The following TIPRL variants were observed in gnomAD, a reference collection of about 807,000 sequenced individuals.
TIPRL encodes TOR signaling pathway regulator, also known as TIP41-like protein.
TIPRL carries 10 observed loss-of-function variants against 32.3 expected under a neutral mutation model. The observed-to-expected ratio is 0.31, with a 90% CI of 0.19 to 0.52. TIPRL has a LOEUF of 0.52. TIPRL is among the 20% of genes least tolerant of loss of function. TIPRL has a pLI of 0.96. For missense variants in TIPRL, 250 were observed against 328.1 expected, an observed-to-expected ratio of 0.76 and a Z score of 1.84; for synonymous variants, 100 against 114.0, an observed-to-expected ratio of 0.88 and a Z score of 0.78.
chr1:168,179,022 G>A lies in TIPRL; in HGVS notation c.-56G>A, dbSNP rs1699925395. ...GAGGGAGGCGGAGGAACCGGTGTTC[G>A]CCGCCGCCGCTGCTTCAGCTTATTC... On this transcript the variant is annotated 5_prime_UTR_variant, in exon 1 of 7. Coordinates refer to ENST00000367833, the MANE Select transcript of TIPRL (RefSeq NM_152902.5). The A allele has an allele frequency of 5.4e-6, 8 of 1,489,422 alleles. No individual in the cohort carries two copies. The East Asian group carries it at 9.6e-5, about 18-fold the overall frequency. 92.3% of individuals were successfully genotyped at this position (1,489,422 alleles called of 1,614,324 possible).
At chr1:168,195,918 C>CCG (rs759045012) in intron 4 of TIPRL, among the ~76,000 whole-genome samples, 31 of 152,170 alleles carry the variant, frequency 2.0e-4, no homozygotes, top group Admixed American at 3.3e-4. Flanking sequence ...TTCCATTCAA[C>CCG]CGCTCTCTCC....
Position 168,183,983 on chromosome 1 carries a change from C to T in TIPRL, c.186C>T (p.Gly62=). ...TTTTAAGAATCCAGCATGGGTCTGG[C>T]TTTGGAATTGAGTTCAATGCTACAG... The part of the protein sequence containing the change: ...DNVLRIQHGS[G]FGIEFNATDA... The change falls in exon 2 of 7, where the codon GGC becomes GGT. Residue 62 remains glycine, a synonymous_variant. Coordinates refer to ENST00000367833, the MANE Select transcript of TIPRL (RefSeq NM_152902.5). 6.2e-7 allele frequency: 1 copy of T among 1,614,134 alleles called. No individual in the cohort carries two copies.
At position 168,183,897 on chromosome 1, in the gene TIPRL, T is replaced by A; in HGVS notation, c.105-5T>A. On this transcript the variant is annotated splice_polypyrimidine_tract_variant and splice_region_variant and intron_variant, in intron 1 of 6. Coordinates refer to ENST00000367833, the MANE Select transcript of TIPRL (RefSeq NM_152902.5). ...TTATCTCACCCGACTTTTGGTTACG[T>A]ATAGATTAGCCGATGAATTACATAT... The A allele has an allele frequency of 6.2e-7, 1 of 1,611,584 alleles. No homozygotes were observed. Among genetic ancestry groups the A allele is most frequent in the Non-Finnish European group, 8.5e-7 (1 of 1,177,922 alleles).
intron 3 of TIPRL, among the ~76,000 whole-genome samples, chr1:168,185,725 G>A (rs187176754): frequency 0.016 from 2,117 of 132,884 alleles, 48 homozygotes; most frequent in African/African-American, 0.057. Context: ...GGCCAAGATC[G>A]CGCCACTGCA....
intron 6 of TIPRL, 81 bp downstream of exon 6, chr1:168,199,062 C>G: frequency 9.3e-7 from 1 of 1,078,128 alleles, no homozygotes; most frequent in East Asian, 2.6e-5. Flanking sequence ...CTGACCCCAA[C>G]CACCCAAGTT....
In TIPRL at chr1:168,189,078, A is replaced by G. The variant is rs547748668; in HGVS notation, c.385-2291A>G. Among the ~76,000 whole-genome samples, 3 of 152,150 alleles carry G rather than the reference A, an allele frequency of 2.0e-5. No homozygotes were observed. In the East Asian group the frequency reaches 5.8e-4, roughly 29 times the overall value. On this transcript the variant is annotated intron_variant, in intron 3 of 6. Coordinates refer to ENST00000367833, the MANE Select transcript of TIPRL (RefSeq NM_152902.5). ...GAAATTCTCCAGGGTCCTTGTCCTT[A>G]GTGAGCACTGAGCAGTGATGGCACC...
intron 3 of TIPRL, among the ~76,000 whole-genome samples, chr1:168,186,393 GGTTGAGGCAGGAGAATCACTT>G (rs1209304692): frequency 1.3e-5 from 2 of 152,148 alleles, no homozygotes; most frequent in East Asian, 3.9e-4. Context: ...CTACTTGGGA[GGTTGAGGCAGGAGAATCACTT>G]GAACCCAGGA....
rs1700205800 is a variant in TIPRL, at chr1:168,201,333, ATT to A, written c.*1289_*1290del. 6.6e-6 allele frequency: 1 copy of A among 152,148 alleles called. No homozygotes were observed. The highest frequency in any genetic ancestry group is 1.5e-5 in the Non-Finnish European group (1 of 67,998). 9.4% of individuals were successfully genotyped at this position (152,148 alleles called of 1,614,324 possible). A position where few individuals can be genotyped will look rare whatever the true frequency, so the allele number is the denominator to read the frequency against. On this transcript the variant is annotated 3_prime_UTR_variant, in exon 7 of 7. Coordinates refer to ENST00000367833, the MANE Select transcript of TIPRL (RefSeq NM_152902.5). Reference sequence around the variant, plus strand: ...ATAAATCATTAAGTAAGAATATTTGATTTAAAGTATTAGCCAACCTCTTCAGG... The same window carrying A: ...ATAAATCATTAAGTAAGAATATTTGATAAAGTATTAGCCAACCTCTTCAGG...
At chr1:168,194,260 A>G (rs1700128491) in intron 4 of TIPRL, among the ~76,000 whole-genome samples, 1 of 152,218 alleles carries the variant, frequency 6.6e-6, no homozygotes, top group Non-Finnish European at 1.5e-5. Context: ...TTTGTTGTAT[A>G]GGATTGTCCT....
intron 4 of TIPRL, among the ~76,000 whole-genome samples, chr1:168,194,187 G>A (rs1165247735): frequency 6.6e-6 from 1 of 152,090 alleles, no homozygotes; most frequent in Non-Finnish European, 1.5e-5. Context: ...TTATAAGTAG[G>A]CTTTTTCACC....
Position 168,179,119 on chromosome 1 carries a change from C to T in TIPRL, c.42C>T (p.Cys14=). The part of the protein sequence containing the change: ...HGFQSSHRDF[C]FGPWKLTASK... ...TCCAGAGCAGCCACCGGGATTTCTGCTTCGGGCCCTGGAAGCTGACGGCGT... is the reference window on the plus strand; with the variant it reads ...TCCAGAGCAGCCACCGGGATTTCTGTTTCGGGCCCTGGAAGCTGACGGCGT... The change falls in exon 1 of 7, where the codon TGC becomes TGT. Residue 14 remains cysteine, a synonymous_variant. Coordinates refer to ENST00000367833, the MANE Select transcript of TIPRL (RefSeq NM_152902.5). 6.2e-7 allele frequency: 1 copy of T among 1,614,032 alleles called. No individual in the cohort carries two copies. The highest frequency in any genetic ancestry group is 8.5e-7 in the Non-Finnish European group (1 of 1,179,958).
At position 168,183,895 on chromosome 1, in the gene TIPRL, C is replaced by T. The variant is rs375443563; in HGVS notation, c.105-7C>T. ...AATTATCTCACCCGACTTTTGGTTA[C>T]GTATAGATTAGCCGATGAATTACAT... On this transcript the variant is annotated splice_polypyrimidine_tract_variant and splice_region_variant and intron_variant, in intron 1 of 6. Coordinates refer to ENST00000367833, the MANE Select transcript of TIPRL (RefSeq NM_152902.5). The T allele has an allele frequency of 1.7e-5, 28 of 1,608,842 alleles. No individual in the cohort carries two copies. The Middle Eastern group carries it at 8.3e-4, about 48-fold the overall frequency.
chr1:168,192,230 C>G, intron 4 of TIPRL: 1 of 1,467,666 alleles, frequency 6.8e-7, no homozygotes, highest in Non-Finnish European at 9.1e-7. Context: ...CACCTGTAGT[C>G]CCAGCTACTC....
chr1:168,186,397 G>A (rs562069713), intron 3 of TIPRL, among the ~76,000 whole-genome samples: 10 of 152,156 alleles, frequency 6.6e-5, no homozygotes, highest in South Asian at 4.1e-4. Context: ...TTGGGAGGTT[G>A]AGGCAGGAGA....
rs574688191 is a variant in TIPRL at position 168,184,951 on chromosome 1, C to T, written c.384+73C>T. The stretch of plus-strand genomic sequence containing the variant: ...TCTGAGCATTAGAACTTTCTAGTAA[C>T]GGGTTATTTTTTGCAACTATTTTTA... On this transcript the variant is annotated intron_variant, in intron 3 of 6. Coordinates refer to ENST00000367833, the MANE Select transcript of TIPRL (RefSeq NM_152902.5). 1.6e-4 allele frequency: 148 copies of T among 952,646 alleles called. 1 individual carries two copies. The African/African-American group carries it at 1.9e-3, about 12-fold the overall frequency. 59.0% of individuals were successfully genotyped at this position (952,646 alleles called of 1,614,324 possible).
intron 3 of TIPRL, among the ~76,000 whole-genome samples, chr1:168,187,448 C>T (rs1700040975): frequency 6.6e-6 from 1 of 152,164 alleles, no homozygotes; most frequent in African/African-American, 2.4e-5. Context: ...GTTCAGTACT[C>T]TCCTATTGAT....
chr1:168,192,353 C>CAA lies in TIPRL; in HGVS notation c.516+864_516+865dup, dbSNP rs11455456. Reference sequence around the variant, plus strand: ...TGGGCGACAGAGCAAGACTCCGTCTCAAAAAAAAAAAATAAAATAAAATAA... The same window carrying CAA: ...TGGGCGACAGAGCAAGACTCCGTCTCAAAAAAAAAAAAAATAAAATAAAATAA... On this transcript the variant is annotated intron_variant, in intron 4 of 6. Coordinates refer to ENST00000367833, the MANE Select transcript of TIPRL (RefSeq NM_152902.5). 2,073 of 765,452 alleles carry CAA rather than the reference C, an allele frequency of 2.7e-3. 1 individual carries two copies. The highest frequency in any genetic ancestry group is 4.7e-3 in the Middle Eastern group (8 of 1,716). The allele number at this position is 765,452 out of a possible 1,614,324, so 47.4% of individuals were successfully genotyped here.
chr1:168,179,878 C>A (rs1425326756), intron 1 of TIPRL, among the ~76,000 whole-genome samples: 4 of 151,952 alleles, frequency 2.6e-5, no homozygotes, highest in Non-Finnish European at 5.9e-5. Context: ...GCATGTAAAG[C>A]TGGGGGCTCA....
chr1:168,191,290 GA>G, intron 3 of TIPRL, 78 bp from the exon 4 acceptor site: 2 of 1,329,876 alleles, frequency 1.5e-6, no homozygotes, highest in Non-Finnish European at 2.0e-6. Context: ...AAAAAGAAAA[GA>G]AAAGACTGCT....
Sources: allele counts gnomAD v4.1 joint callset (sites outside exome capture counted in the v4.1 genomes callset), GRCh38; gene constraint gnomAD v4.1.1; transcripts MANE v1.5; gene names NCBI Gene and HGNC (gene_info 2026-07-23, HGNC 2026-07-21).